Variants in FRY observed in about 807,000 individuals in gnomAD.
FRY encodes FRY microtubule binding protein.
FRY carries 128 observed loss-of-function variants against 348.4 expected under a neutral mutation model. That is an observed-to-expected ratio of 0.37 (90% CI 0.32 to 0.43). The LOEUF is 0.43. Among genes scored for constraint, FRY ranks in the 20% least tolerant of loss-of-function variants. The pLI is 1.00. For synonymous variants in FRY, 1,370 were observed against 1,374.7 expected (o/e 1.00, Z 0.08); for missense variants, 2,736 against 3,695.2 (o/e 0.74, Z 6.73).
intron 11 of FRY, among the ~76,000 whole-genome samples, chr13:32,138,117 TG>T (rs1225158099): frequency 6.6e-5 from 10 of 152,000 alleles, no homozygotes; most frequent in African/African-American, 2.2e-4. Flanking sequence ...CTTTCAGGTT[TG>T]TTTTTTTTGT....
At chr13:32,087,732 A>G (rs1280611556) in intron 2 of FRY, among the ~76,000 whole-genome samples, 2 of 152,178 alleles carry the variant, frequency 1.3e-5, no homozygotes, top group East Asian at 3.9e-4. Flanking sequence ...ATTCATTCAC[A>G]TGAGTGATGT....
chr13:32,040,754 G>GT (rs909195892), intron 1 of FRY, among the ~76,000 whole-genome samples: 14 of 151,414 alleles, frequency 9.2e-5, no homozygotes, highest in South Asian at 6.3e-4. Context: ...ACACAGGCAT[G>GT]TTTTTTTTTC....
chr13:32,170,908 G>C, intron 17 of FRY, 104 bp from the exon 18 acceptor site: 3 of 882,894 alleles, frequency 3.4e-6, no homozygotes, highest in Non-Finnish European at 5.6e-6. Context: ...CCCATTTTCA[G>C]ACTCAAGTAG....
chr13:32,185,922 GGCA>G (rs1162749396), intron 26 of FRY, among the ~76,000 whole-genome samples: 2 of 152,056 alleles, frequency 1.3e-5, no homozygotes, highest in Non-Finnish European at 2.9e-5. Context: ...CTTAAAGATG[GGCA>G]GCAGTCAAAA....
chr13:32,147,070 T>C (rs1880503321), intron 11 of FRY, among the ~76,000 whole-genome samples: 1 of 152,146 alleles, frequency 6.6e-6, no homozygotes, highest in Non-Finnish European at 1.5e-5. Flanking sequence ...AATTAATCTG[T>C]CCCACCGTTT....
chr13:32,240,688 G>A (rs1886454848), intron 46 of FRY, among the ~76,000 whole-genome samples: 1 of 152,148 alleles, frequency 6.6e-6, no homozygotes, highest in Admixed American at 6.5e-5. Flanking sequence ...AATCTATAAG[G>A]CAAATGACTG....
chr13:32,067,818 A>G (rs757844483), intron 1 of FRY, among the ~76,000 whole-genome samples: 1 of 152,188 alleles, frequency 6.6e-6, no homozygotes, highest in Non-Finnish European at 1.5e-5. Context: ...TCTTTCCACT[A>G]TATTTTACCT....
At position 32,100,429 on chromosome 13, in the gene FRY, A is replaced by G. The variant is rs1204622422; in HGVS notation, c.271-1534A>G. Among the ~76,000 whole-genome samples the G allele has an allele frequency of 2.0e-5, 3 of 152,096 alleles. No individual in the cohort carries two copies. The East Asian group carries it at 5.8e-4, about 29-fold the overall frequency. On this transcript the variant is annotated intron_variant, in intron 2 of 60. Coordinates refer to ENST00000542859, the MANE Select transcript of FRY (RefSeq NM_023037.3). Reference sequence around the variant, plus strand: ...CCAAGATAAATATTAAATTTTTCAAATAAATTTTACGGTTTTTATTATGTT... The same window carrying G: ...CCAAGATAAATATTAAATTTTTCAAGTAAATTTTACGGTTTTTATTATGTT...
chr13:32,192,295 T>G (rs1000229861), intron 28 of FRY, among the ~76,000 whole-genome samples: 3 of 152,086 alleles, frequency 2.0e-5, no homozygotes, highest in Admixed American at 6.5e-5. Flanking sequence ...TTTGTTTATT[T>G]GTTTTGTTTT....
chr13:32,204,627 T>C (rs930623030), intron 31 of FRY, among the ~76,000 whole-genome samples: 6 of 152,218 alleles, frequency 3.9e-5, no homozygotes, highest in Admixed American at 3.9e-4. Context: ...ACTTCAACTT[T>C]CCAGAAGATC....
chr13:32,036,415 C>T (rs1464275435), intron 1 of FRY, among the ~76,000 whole-genome samples: 3 of 152,116 alleles, frequency 2.0e-5, no homozygotes, highest in Non-Finnish European at 4.4e-5. Flanking sequence ...AAATCAACAT[C>T]CATGTTCTCA....
chr13:32,155,449 A>G (rs1321452435), intron 14 of FRY, 42 bp from the exon 15 acceptor site: 5 of 1,436,324 alleles, frequency 3.5e-6, no homozygotes, highest in Non-Finnish European at 4.9e-6. Flanking sequence ...CACTACAATA[A>G]TTGGGCCTTT....
intron 17 of FRY, 82 bp from the exon 18 acceptor site, chr13:32,170,930 A>G: frequency 9.7e-7 from 1 of 1,027,808 alleles, no homozygotes. Context: ...AGAGATATAC[A>G]TTAATATCTA....
chr13:32,050,523 G>A (rs1873267866), intron 1 of FRY, among the ~76,000 whole-genome samples: 2 of 152,180 alleles, frequency 1.3e-5, no homozygotes, highest in African/African-American at 4.8e-5. Flanking sequence ...CCTGGGCCAT[G>A]TATAGTTGCA....
Position 32,268,521 on chromosome 13 carries a change from T to TAG in FRY, c.8136+1163_8136+1164insGA, listed in dbSNP as rs1566182729. On this transcript the variant is annotated intron_variant, in intron 55 of 60. Transcript: ENST00000542859. The stretch of plus-strand genomic sequence containing the variant: ...AAAAAAAAAAATATATATATATATA[T>TAG]ATATATATATATATATATCTAGATT... Among the ~76,000 whole-genome samples, 5 of 39,726 alleles carry TAG rather than the reference T, an allele frequency of 1.3e-4. No individual in the cohort carries two copies. In the East Asian group the frequency reaches 4.0e-3, roughly 32 times the overall value. The allele number at this position is 39,726 out of a possible 152,430, so 26.1% of individuals were successfully genotyped here.
chr13:32,092,247 A>G (rs1472987022), intron 2 of FRY, among the ~76,000 whole-genome samples: 2 of 152,214 alleles, frequency 1.3e-5, no homozygotes, highest in Non-Finnish European at 2.9e-5. Context: ...GGCCACTAAA[A>G]AGTTAGAAGT....
intron 11 of FRY, among the ~76,000 whole-genome samples, chr13:32,145,526 G>GTTTTTTT (rs59585678): frequency 1.4e-4 from 13 of 91,482 alleles, no homozygotes; most frequent in East Asian, 1.1e-3. Context: ...TGACTGATTT[G>GTTTTTTT]TTTTTTTTTT....
At chr13:32,053,532 G>A (rs570225103) in intron 1 of FRY, among the ~76,000 whole-genome samples, 44 of 152,336 alleles carry the variant, frequency 2.9e-4, no homozygotes, top group Non-Finnish European at 4.9e-4. Context: ...GTCCCAGACT[G>A]TGTTAGTTTT....
intron 49 of FRY, 39 bp downstream of exon 49, chr13:32,249,726 A>C (rs777342520): frequency 1.1e-5 from 17 of 1,591,802 alleles, no homozygotes; most frequent in African/African-American, 1.3e-5. Flanking sequence ...GAGGGAGTTT[A>C]GGGACCTGTT....
Sources: gnomAD v4.1 joint callset for allele counts (sites outside exome capture counted in the v4.1 genomes callset) on GRCh38, gnomAD v4.1.1 for gene constraint, MANE v1.5 for transcripts, NCBI Gene and HGNC (gene_info 2026-07-23, HGNC 2026-07-21) for gene names.